The following TAFA2 variants were observed in gnomAD, a reference collection of about 807,000 sequenced individuals.
TAFA2 encodes TAFA chemokine like family member 2.
TAFA2 carries 7 observed loss-of-function variants against 18.8 expected under a neutral mutation model. The observed-to-expected ratio is 0.37, with a 90% CI of 0.21 to 0.70. The LOEUF (loss-of-function observed/expected upper bound fraction) is 0.70, where lower values mean the gene tolerates loss of function less well. Ranked by LOEUF, TAFA2 falls within the 30% of genes least tolerant of loss-of-function variation. The probability of loss-of-function intolerance (pLI) is 0.53; values close to 1 mark genes in which losing one functional copy is unlikely to be tolerated. For missense variants in TAFA2, 122 were observed against 158.1 expected (o/e 0.77, Z 1.23); for synonymous variants, 60 against 54.2 (o/e 1.11, Z -0.47).
chr12:62,249,195 T>C (rs1482746730), intron 1 of TAFA2, among the ~76,000 whole-genome samples: 2 of 150,904 alleles, frequency 1.3e-5, no homozygotes, highest in African/African-American at 2.4e-5. Flanking sequence ...GAAAGAACAA[T>C]GTACAGCCAA....
chr12:61,802,230 C>A (rs1871427761), intron 2 of TAFA2, among the ~76,000 whole-genome samples: 3 of 151,928 alleles, frequency 2.0e-5, no homozygotes, highest in African/African-American at 4.8e-5. Context: ...ATAGAGCTAC[C>A]ATATGATCCA....
intron 2 of TAFA2, among the ~76,000 whole-genome samples, chr12:61,811,658 G>A (rs987005160): frequency 9.9e-5 from 15 of 151,182 alleles, no homozygotes; most frequent in African/African-American, 3.7e-4. Context: ...AGGTGAAAAG[G>A]GTCACTTTTA....
intron 2 of TAFA2, among the ~76,000 whole-genome samples, chr12:61,762,445 T>G (rs1346366350): frequency 1.3e-5 from 2 of 152,130 alleles, no homozygotes; most frequent in South Asian, 4.1e-4. Flanking sequence ...AGAGTCTTTA[T>G]GAAGACCAAA....
chr12:61,737,489 T>C (rs1210102984), intron 4 of TAFA2, among the ~76,000 whole-genome samples: 4 of 151,770 alleles, frequency 2.6e-5, no homozygotes, highest in East Asian at 1.9e-4. Context: ...GGGTAATACA[T>C]ATAACATAGT....
At position 61,790,217 on chromosome 12, in the gene TAFA2, C is replaced by T. The variant is rs566172122; in HGVS notation, c.107-35193G>A. Among the ~76,000 whole-genome samples, 281 of 150,106 alleles carry T rather than the reference C, an allele frequency of 1.9e-3. 1 individual carries two copies. The highest frequency in any genetic ancestry group is 3.3e-3 in the Non-Finnish European group (226 of 67,502). On this transcript the variant is annotated intron_variant, in intron 2 of 4. Coordinates refer to ENST00000416284, the MANE Select transcript of TAFA2 (RefSeq NM_178539.5). ...CCAAAATTAGGTATAAAGGTACTAC[C>T]ACAACACAATAAAGGCCATATATGG...
chr12:61,941,378 T>C (rs1050172981), intron 1 of TAFA2, among the ~76,000 whole-genome samples: 1 of 152,256 alleles, frequency 6.6e-6, no homozygotes, highest in Non-Finnish European at 1.5e-5. Context: ...TATTCGAAAG[T>C]ACTGGTCTAG....
intron 1 of TAFA2, among the ~76,000 whole-genome samples, chr12:62,217,828 T>G (rs1339630186): frequency 1.3e-5 from 2 of 152,152 alleles, no homozygotes; most frequent in Non-Finnish European, 2.9e-5. Flanking sequence ...GAATCTTTTT[T>G]CCCAAGCAAA....
intron 1 of TAFA2, among the ~76,000 whole-genome samples, chr12:62,073,746 A>T (rs1375165890): frequency 1.3e-5 from 2 of 152,256 alleles, no homozygotes; most frequent in East Asian, 3.8e-4. Context: ...GTAGATACTT[A>T]GAATAGTTTT....
chr12:62,235,568 C>A, intron 1 of TAFA2: 1 of 338,560 alleles, frequency 3.0e-6, no homozygotes, highest in Non-Finnish European at 5.5e-6. Flanking sequence ...AGCAACCCAC[C>A]ACGGCATCGC....
chr12:61,850,813 T>G (rs917664680), intron 2 of TAFA2, among the ~76,000 whole-genome samples: 15 of 152,132 alleles, frequency 9.9e-5, no homozygotes, highest in Non-Finnish European at 2.1e-4. Context: ...ATCTAAACCT[T>G]TAAATGAAAA....
chr12:62,105,299 C>T (rs1286931635), intron 1 of TAFA2, among the ~76,000 whole-genome samples: 1 of 152,106 alleles, frequency 6.6e-6, no homozygotes, highest in Non-Finnish European at 1.5e-5. Context: ...TTATAGACTG[C>T]AATGATTATT....
intron 1 of TAFA2, among the ~76,000 whole-genome samples, chr12:61,979,952 T>A (rs777582639): frequency 1.9e-4 from 29 of 152,146 alleles, no homozygotes; most frequent in Non-Finnish European, 3.5e-4. Context: ...ATAGGCAAGA[T>A]TTACCAGTGC....
At chr12:62,169,871 A>G (rs1253803235) in intron 1 of TAFA2, among the ~76,000 whole-genome samples, 1 of 148,798 alleles carries the variant, frequency 6.7e-6, no homozygotes, top group Non-Finnish European at 1.5e-5. Context: ...AAAAAAAAAG[A>G]AATGTTTTAA....
At chr12:62,163,911 G>T (rs193127828) in intron 1 of TAFA2, among the ~76,000 whole-genome samples, 6 of 152,026 alleles carry the variant, frequency 3.9e-5, no homozygotes, top group African/African-American at 1.2e-4. Flanking sequence ...TGGGAGATGG[G>T]GAGAAGTAAG....
chr12:61,876,634 C>G (rs569797010), intron 1 of TAFA2, among the ~76,000 whole-genome samples: 1 of 152,100 alleles, frequency 6.6e-6, no homozygotes, highest in Non-Finnish European at 1.5e-5. Flanking sequence ...GCTCATATAA[C>G]CATCCCTTCT....
In TAFA2 at chr12:61,907,043, G is replaced by A. The variant is rs140724381; in HGVS notation, c.-1-39617C>T. ...ATTGGCACTTAGGTTTAAAAGGGAC[G>A]CAGAGCATAAAAGTTTGGAAAATTT... On this transcript the variant is annotated intron_variant, in intron 1 of 4. Transcript: ENST00000416284. Among the ~76,000 whole-genome samples the A allele has an allele frequency of 2.1e-3, 315 of 152,260 alleles. 1 individual carries two copies. The highest frequency in any genetic ancestry group is 7.0e-3 in the African/African-American group (289 of 41,566).
chr12:62,198,817 T>C (rs865843272), intron 1 of TAFA2, among the ~76,000 whole-genome samples: 72 of 152,242 alleles, frequency 4.7e-4, no homozygotes, highest in African/African-American at 1.7e-3. Flanking sequence ...TTACACACAA[T>C]AAATACTCTA....
At chr12:62,006,403 G>A (rs1880551717) in intron 1 of TAFA2, among the ~76,000 whole-genome samples, 1 of 152,094 alleles carries the variant, frequency 6.6e-6, no homozygotes, top group African/African-American at 2.4e-5. Context: ...TGTATCTAAA[G>A]ATCCGAAATA....
chr12:61,986,246 C>T (rs1236530235), intron 1 of TAFA2, among the ~76,000 whole-genome samples: 1 of 144,496 alleles, frequency 6.9e-6, no homozygotes, highest in African/African-American at 2.6e-5. Context: ...CTCATTGCAG[C>T]CTCTGCCTCC....
Sources: gnomAD v4.1 joint callset for allele counts (sites outside exome capture counted in the v4.1 genomes callset) on GRCh38, gnomAD v4.1.1 for gene constraint, MANE v1.5 for transcripts, NCBI Gene and HGNC (gene_info 2026-07-23, HGNC 2026-07-21) for gene names.